GFM2: variants seen among roughly 807,000 people sequenced by gnomAD.
GFM2 encodes GTP dependent ribosome recycling factor mitochondrial 2.
Under a neutral mutation model 95.4 loss-of-function variants are expected in GFM2, and 72 were observed. That is an observed-to-expected ratio of 0.76 (90% CI 0.62 to 0.92). The LOEUF is 0.92. Among genes scored for constraint, GFM2 ranks in the 40% least tolerant of loss-of-function variants. GFM2 has a pLI of 0.00. For synonymous variants in GFM2, 276 were observed against 317.5 expected, an observed-to-expected ratio of 0.87 and a Z score of 1.39; for missense variants, 825 against 924.1, an observed-to-expected ratio of 0.89 and a Z score of 1.39.
At chr5:74,740,262 T>C (rs1743049434) in intron 11 of GFM2, 125 bp from the exon 12 acceptor site, 14 of 642,470 alleles carry the variant, frequency 2.2e-5, no homozygotes, top group Non-Finnish European at 3.6e-5. Flanking sequence ...CATCATTTTG[T>C]TGGCTTAGTT....
chr5:74,741,464 G>A, intron 11 of GFM2, 65 bp downstream of exon 11: 3 of 755,774 alleles, frequency 4.0e-6, no homozygotes, highest in Admixed American at 2.5e-5. Context: ...CACATCAAAG[G>A]CAGAGAAATC....
At chr5:74,733,334 A>AC in intron 15 of GFM2, 20 of 345,378 alleles carry the variant, frequency 5.8e-5, no homozygotes, top group East Asian at 2.2e-4. Flanking sequence ...TTACAAAAAA[A>AC]GAAAAAAAAA....
intron 20 of GFM2, 80 bp from the exon 21 acceptor site, chr5:74,721,863 T>C: frequency 7.2e-7 from 1 of 1,384,686 alleles, no homozygotes; most frequent in Non-Finnish European, 9.9e-7. Flanking sequence ...CTTTTGACTA[T>C]TAGGGAAAAG....
rs545999554 is a variant in GFM2 at position 74,755,874 on chromosome 5, G to A, written c.304+2975C>T. On this transcript the variant is annotated intron_variant, in intron 5 of 20. Coordinates refer to ENST00000296805, the MANE Select transcript of GFM2 (RefSeq NM_032380.5). ...ATCATTCTATGAAGCCAGTATCACC[G>A]TAATACCAAAAGCAGGAAAAGACAC... 1.1e-4 allele frequency among the ~76,000 whole-genome samples: 17 copies of A among 152,126 alleles called. No homozygotes were observed. The East Asian group carries it at 2.3e-3, about 21-fold the overall frequency.
chr5:74,741,694 T>C (rs1743115333), intron 10 of GFM2, 85 bp from the exon 11 acceptor site: 1 of 644,626 alleles, frequency 1.6e-6, no homozygotes, highest in Non-Finnish European at 2.7e-6. Flanking sequence ...ACAGACAATA[T>C]TCAAATATTT....
Position 74,733,059 on chromosome 5 carries a change from G to A in GFM2, c.1550C>T (p.Pro517Leu). 1 of 1,611,994 alleles carries A rather than the reference G, an allele frequency of 6.2e-7. No homozygotes were observed. Among genetic ancestry groups the A allele is most frequent in the Non-Finnish European group, 8.5e-7 (1 of 1,178,842 alleles). ...AGGATCTAGCCTCACTTTCAAACTG[G>A]GATCTTCACGCTGAAGACATTTCAA... is the stretch of plus-strand genomic sequence containing the variant. ...HALKCLQRED[P>L]SLKVRLDPDS... is the part of the protein sequence containing the mutation. The change falls in exon 16 of 21, where the codon CCC becomes CTC. Residue 517 changes from proline to leucine, a missense_variant. Physicochemically the swap from Pro to Leu is moderately conservative, Grantham distance 98. Transcript: ENST00000296805.
In GFM2 at chr5:74,721,280, T is replaced by C. The variant is rs777009900; in HGVS notation, c.*375A>G. The C allele has an allele frequency of 1.2e-5, 12 of 965,886 alleles. No individual in the cohort carries two copies. The highest frequency in any genetic ancestry group is 5.2e-5 in the East Asian group (2 of 38,412). 59.8% of individuals were successfully genotyped at this position (965,886 alleles called of 1,614,324 possible). ...CTGTTTTTTGAATAAAATATTTTTATTGATTGAACCTTTGACCCTCTATCT... is the reference window on the plus strand; with the variant it reads ...CTGTTTTTTGAATAAAATATTTTTACTGATTGAACCTTTGACCCTCTATCT... On this transcript the variant is annotated 3_prime_UTR_variant, in exon 21 of 21. Coordinates refer to ENST00000296805, the MANE Select transcript of GFM2 (RefSeq NM_032380.5).
At chr5:74,753,049 CA>C (rs1215391483) in intron 5 of GFM2, among the ~76,000 whole-genome samples, 13 of 152,052 alleles carry the variant, frequency 8.5e-5, no homozygotes, top group Non-Finnish European at 1.6e-4. Context: ...GCAATGAATC[CA>C]AACCAAGACA....
intron 17 of GFM2, among the ~76,000 whole-genome samples, chr5:74,728,766 T>TC (rs1750272223): frequency 8.3e-6 from 1 of 120,204 alleles, no homozygotes; most frequent in African/African-American, 3.6e-5. Flanking sequence ...TTTTTTTTTT[T>TC]TTTTTTTTGA....
chr5:74,729,846 T>G (rs1360923953), intron 17 of GFM2, among the ~76,000 whole-genome samples: 1 of 152,188 alleles, frequency 6.6e-6, no homozygotes, highest in East Asian at 1.9e-4. Context: ...ATAAAAACTA[T>G]AGTTTCTCAA....
rs557266797 is a variant in GFM2 at position 74,763,083 on chromosome 5, T to A, written c.63+597A>T. ...GTATTATTATGTTTGAGATTTAATA[T>A]CTTTAAGTATACTGAAGATGTGATA... On this transcript the variant is annotated intron_variant, in intron 2 of 20. Coordinates refer to ENST00000296805, the MANE Select transcript of GFM2 (RefSeq NM_032380.5). Among the ~76,000 whole-genome samples the A allele has an allele frequency of 7.2e-5, 11 of 152,296 alleles. No individual in the cohort carries two copies. In the East Asian group the frequency reaches 2.1e-3, roughly 29 times the overall value.
intron 5 of GFM2, among the ~76,000 whole-genome samples, chr5:74,752,808 A>T (rs1743784693): frequency 6.6e-6 from 1 of 152,210 alleles, no homozygotes; most frequent in Non-Finnish European, 1.5e-5. Flanking sequence ...AAACACATGG[A>T]CAATCACTGC....
chr5:74,738,709 A>C, intron 12 of GFM2, 67 bp from the exon 13 acceptor site: 2 of 1,444,618 alleles, frequency 1.4e-6, no homozygotes, highest in Non-Finnish European at 1.9e-6. Context: ...ACTTAACCTT[A>C]ATGTCCCCAA....
Position 74,725,740 on chromosome 5 carries a change from G to T in GFM2, c.1928C>A (p.Ser643Tyr), listed in dbSNP as rs1414071271. Reference sequence around the variant, plus strand: ...AGTAATTGCTACATCCTGAATTGGGGATCCAAGCAATGGTCCTAGACAAGG... The same window carrying T: ...AGTAATTGCTACATCCTGAATTGGGTATCCAAGCAATGGTCCTAGACAAGG... ...SACLQGPLLG[S>Y]PIQDVAITLH... Residue 643 changes from serine (S) to tyrosine (Y), a missense_variant, in exon 19 of 21, where the codon TCC (serine) becomes TAC (tyrosine). Ser to Tyr is a moderately radical substitution (Grantham distance 144). Coordinates refer to ENST00000296805, the MANE Select transcript of GFM2 (RefSeq NM_032380.5). 1 of 1,612,880 alleles carries T rather than the reference G, an allele frequency of 6.2e-7. No homozygotes were observed. Among genetic ancestry groups the T allele is most frequent in the Non-Finnish European group, 8.5e-7 (1 of 1,179,028 alleles).
At chr5:74,736,526 C>A in intron 15 of GFM2, 1 of 1,272,452 alleles carries the variant, frequency 7.9e-7, no homozygotes, top group Non-Finnish European at 9.9e-7. Context: ...AGTTCTAAGG[C>A]CAATTACTTA....
At chr5:74,745,447 C>T (rs1374638811) in intron 10 of GFM2, among the ~76,000 whole-genome samples, 2 of 152,078 alleles carry the variant, frequency 1.3e-5, no homozygotes, top group African/African-American at 2.4e-5. Context: ...ATAGCATTTA[C>T]ATTGTATTAG....
chr5:74,763,775 A>C lies in GFM2; in HGVS notation c.-24-9T>G, dbSNP rs1472491249. The C allele has an allele frequency of 1.3e-6, 2 of 1,569,966 alleles. No homozygotes were observed. Among genetic ancestry groups the C allele is most frequent in the African/African-American group, 2.7e-5 (2 of 74,000 alleles). On this transcript the variant is annotated splice_polypyrimidine_tract_variant and intron_variant, in intron 1 of 20. Coordinates refer to ENST00000296805, the MANE Select transcript of GFM2 (RefSeq NM_032380.5). ...CTCCAAACTGTTACTGTCTGAAAAA[A>C]TAAATATACAAAATCAAAAAACTAA...
rs140790076 is a variant in GFM2, at chr5:74,759,418, C to G, written c.157G>C (p.Gly53Arg). 2.2e-5 allele frequency: 33 copies of G among 1,504,346 alleles called. No individual in the cohort carries two copies. The highest frequency in any genetic ancestry group is 3.0e-5 in the Non-Finnish European group (33 of 1,089,018). 93.2% of individuals were successfully genotyped at this position (1,504,346 alleles called of 1,614,324 possible). A position where few individuals can be genotyped will look rare whatever the true frequency, so the allele number is the denominator to read the frequency against. The change falls in exon 4 of 21, where the codon GGA (glycine) becomes CGA (arginine). Residue 53 changes from glycine (G) to arginine (R), a missense_variant. Physicochemically the swap from Gly to Arg is moderately radical, Grantham distance 125 (BLOSUM62 -2). Coordinates refer to ENST00000296805, the MANE Select transcript of GFM2 (RefSeq NM_032380.5). ...RNCSSLPGLIGNDIKSLHSII... is the reference protein window; with the variant it reads ...RNCSSLPGLIRNDIKSLHSII... ...GAATGAAGGGATTTGATATCATTTC[C>G]TATTAAGCCTAATGAAAAGAAAGTT...
At chr5:74,761,484 G>A (rs1056618861) in intron 2 of GFM2, among the ~76,000 whole-genome samples, 10 of 152,178 alleles carry the variant, frequency 6.6e-5, no homozygotes, top group African/African-American at 2.4e-4. Context: ...TGAAAGGTCT[G>A]TAGGGGGCAA....
Sources: gnomAD v4.1 joint callset for allele counts (sites outside exome capture counted in the v4.1 genomes callset) on GRCh38, gnomAD v4.1.1 for gene constraint, MANE v1.5 for transcripts, NCBI Gene and HGNC (gene_info 2026-07-23, HGNC 2026-07-21) for gene names.